FSTL5: variants seen among roughly 807,000 people sequenced by gnomAD.
FSTL5 encodes follistatin like 5, also known as follistatin-related protein 5.
Under a neutral mutation model 89.1 loss-of-function variants are expected in FSTL5, and 62 were observed. That is an observed-to-expected ratio of 0.70 (90% CI 0.57 to 0.86). The LOEUF is 0.86. Among genes scored for constraint, FSTL5 ranks in the 40% least tolerant of loss-of-function variants. The pLI, the probability that FSTL5 is intolerant of heterozygous loss-of-function variation, is 0.00. For missense variants in FSTL5, 1,057 were observed against 1,001.6 expected (o/e 1.06, Z -0.75); for synonymous variants, 383 against 346.2 (o/e 1.11, Z -1.18).
At chr4:161,500,496 C>G (rs1427707073) in intron 11 of FSTL5, among the ~76,000 whole-genome samples, 1 of 152,042 alleles carries the variant, frequency 6.6e-6, no homozygotes, top group South Asian at 2.1e-4. Flanking sequence ...TCTGAAGAAT[C>G]AAATTTGTTT....
chr4:162,112,437 GT>G (rs1731480876), intron 1 of FSTL5, among the ~76,000 whole-genome samples: 1 of 152,032 alleles, frequency 6.6e-6, no homozygotes, highest in Admixed American at 6.6e-5. Context: ...TCAGAGACAG[GT>G]TCTCACTATC....
At chr4:161,763,910 T>C (rs1003801300) in intron 5 of FSTL5, among the ~76,000 whole-genome samples, 1 of 152,228 alleles carries the variant, frequency 6.6e-6, no homozygotes, top group Admixed American at 6.5e-5. Context: ...AAGCTGGTTC[T>C]TGGGCTACTT....
intron 8 of FSTL5, among the ~76,000 whole-genome samples, chr4:161,546,673 G>A (rs189452395): frequency 6.6e-6 from 1 of 151,906 alleles, no homozygotes; most frequent in East Asian, 1.9e-4. Flanking sequence ...ACAAAAAGTA[G>A]TATAAAATCT....
chr4:162,132,656 G>A (rs80165609), intron 1 of FSTL5, among the ~76,000 whole-genome samples: 20,861 of 152,138 alleles, frequency 0.14, 1,942 homozygotes, highest in Non-Finnish European at 0.19. Flanking sequence ...CTGCATAGAT[G>A]TGCAAACTAT....
At chr4:161,921,148 G>A (rs781779112) in intron 3 of FSTL5, among the ~76,000 whole-genome samples, 2 of 152,130 alleles carry the variant, frequency 1.3e-5, no homozygotes, top group South Asian at 2.1e-4. Flanking sequence ...TAACAGAATT[G>A]TAGATAGGAG....
At chr4:161,664,180 A>G (rs969289625) in intron 6 of FSTL5, among the ~76,000 whole-genome samples, 1 of 152,196 alleles carries the variant, frequency 6.6e-6, no homozygotes, top group Non-Finnish European at 1.5e-5. Context: ...TGTCTTTGGG[A>G]AAAACATTAT....
At chr4:162,033,711 C>G (rs1737625307) in intron 2 of FSTL5, 53 bp from the exon 3 acceptor site, 1 of 989,130 alleles carries the variant, frequency 1.0e-6, no homozygotes, top group Non-Finnish European at 1.5e-6. Flanking sequence ...ATGTGATCAA[C>G]TGTTTCATAT....
At chr4:161,886,497 T>G (rs1732812170) in intron 4 of FSTL5, among the ~76,000 whole-genome samples, 1 of 152,186 alleles carries the variant, frequency 6.6e-6, no homozygotes, top group Non-Finnish European at 1.5e-5. Context: ...TGGAAAGAGC[T>G]CTACATTAGA....
At chr4:162,078,403 A>C (rs1729954044) in intron 2 of FSTL5, among the ~76,000 whole-genome samples, 1 of 151,820 alleles carries the variant, frequency 6.6e-6, no homozygotes, top group African/African-American at 2.4e-5. Context: ...GGTTTAATTT[A>C]TTTAGTTTTC....
chr4:161,421,538 T>C (rs1471676800), intron 15 of FSTL5, among the ~76,000 whole-genome samples: 1 of 152,136 alleles, frequency 6.6e-6, no homozygotes, highest in East Asian at 1.9e-4. Flanking sequence ...GGTTCCAAGT[T>C]GAAAAGGAGT....
chr4:162,105,528 T>C (rs1476738761), intron 2 of FSTL5, among the ~76,000 whole-genome samples: 3 of 152,130 alleles, frequency 2.0e-5, no homozygotes, highest in Admixed American at 1.3e-4. Context: ...CTTCAATAGT[T>C]CTTGCACAAT....
intron 3 of FSTL5, among the ~76,000 whole-genome samples, chr4:162,022,461 T>C (rs1017317505): frequency 1.3e-5 from 2 of 152,048 alleles, no homozygotes; most frequent in African/African-American, 4.8e-5. Context: ...GATAATAATG[T>C]TCTACGCTGT....
intron 6 of FSTL5, among the ~76,000 whole-genome samples, chr4:161,753,167 C>T (rs1223746578): frequency 6.6e-6 from 1 of 152,244 alleles, no homozygotes; most frequent in East Asian, 1.9e-4. Context: ...TACATATTCC[C>T]TATCTTTATT....
intron 7 of FSTL5, among the ~76,000 whole-genome samples, chr4:161,600,416 T>C (rs998111190): frequency 6.6e-6 from 1 of 151,790 alleles, no homozygotes; most frequent in African/African-American, 2.4e-5. Flanking sequence ...ATTTTCTAAA[T>C]GGTTGCAAAG....
chr4:162,041,806 A>T (rs1737970798), intron 2 of FSTL5: 1 of 152,082 alleles, frequency 6.6e-6, no homozygotes, highest in African/African-American at 2.4e-5. Flanking sequence ...AAAAAGTTGT[A>T]TTTTTATTTT....
At chr4:161,495,064 T>C (rs562413019) in intron 12 of FSTL5, 5 of 152,040 alleles carry the variant, frequency 3.3e-5, no homozygotes, top group Admixed American at 1.3e-4. Flanking sequence ...CCTGTTTCAA[T>C]AAAACAAAAC....
At chr4:161,440,484 G>A (rs928680840) in intron 15 of FSTL5, among the ~76,000 whole-genome samples, 2 of 152,070 alleles carry the variant, frequency 1.3e-5, no homozygotes, top group Admixed American at 6.6e-5. Flanking sequence ...AAAAAGTCCC[G>A]CATTCAAAGG....
At chr4:162,160,632 C>T (rs1733658108) in intron 1 of FSTL5, among the ~76,000 whole-genome samples, 1 of 151,612 alleles carries the variant, frequency 6.6e-6, no homozygotes, top group Non-Finnish European at 1.5e-5. Flanking sequence ...GCCTTTGGGT[C>T]TTATTGATAA....
rs1042052489 is a variant in FSTL5, at chr4:161,678,660, T to A, written c.728-22166A>T. ...GAAGGTGGAAAAAGTTTCAGCATGATGAAAAGTGAGAAATGGGAAAGCAGC... is the reference window on the plus strand; with the variant it reads ...GAAGGTGGAAAAAGTTTCAGCATGAAGAAAAGTGAGAAATGGGAAAGCAGC... On this transcript the variant is annotated intron_variant, in intron 6 of 15. Transcript: ENST00000306100. 5.9e-5 allele frequency among the ~76,000 whole-genome samples: 9 copies of A among 151,832 alleles called. 1 individual carries two copies. Among genetic ancestry groups the A allele is most frequent in the Admixed American group, 3.3e-4 (5 of 15,220 alleles).
Sources: gnomAD v4.1 joint callset for allele counts (sites outside exome capture counted in the v4.1 genomes callset) on GRCh38, gnomAD v4.1.1 for gene constraint, MANE v1.5 for transcripts, NCBI Gene and HGNC (gene_info 2026-07-23, HGNC 2026-07-21) for gene names.